Variants in GALNTL6 observed in about 807,000 individuals in gnomAD.
GALNTL6 encodes the protein polypeptide N-acetylgalactosaminyltransferase-like 6.
Under a neutral mutation model 73.7 loss-of-function variants are expected in GALNTL6, and 46 were observed. That is an observed-to-expected ratio of 0.62 (90% CI 0.49 to 0.80). The LOEUF is 0.80. Among genes scored for constraint, GALNTL6 ranks in the 30% least tolerant of loss-of-function variants. The pLI is 0.00. For synonymous variants in GALNTL6, 259 were observed against 263.7 expected, an observed-to-expected ratio of 0.98 and a Z score of 0.17; for missense variants, 604 against 755.0, an observed-to-expected ratio of 0.80 and a Z score of 2.34.
chr4:171,884,871 C>T (rs532178105), intron 2 of GALNTL6, among the ~76,000 whole-genome samples: 18 of 152,062 alleles, frequency 1.2e-4, no homozygotes, highest in African/African-American at 4.3e-4. Context: ...GCCTGGCCAA[C>T]ATGGTGAAAC....
At chr4:172,526,175 G>A (rs372057071) in intron 5 of GALNTL6, among the ~76,000 whole-genome samples, 4 of 152,086 alleles carry the variant, frequency 2.6e-5, no homozygotes, top group African/African-American at 7.2e-5. Flanking sequence ...TCCACTTATA[G>A]CTTCCTATTT....
intron 5 of GALNTL6, among the ~76,000 whole-genome samples, chr4:172,445,119 T>C (rs1047518133): frequency 2.6e-5 from 4 of 152,188 alleles, no homozygotes; most frequent in African/African-American, 9.7e-5. Flanking sequence ...CAGAGAACTT[T>C]TTGTCCCACT....
chr4:171,861,299 C>T (rs1205968278), intron 2 of GALNTL6, among the ~76,000 whole-genome samples: 1 of 152,148 alleles, frequency 6.6e-6, no homozygotes, highest in East Asian at 1.9e-4. Flanking sequence ...TATAATTAAT[C>T]TAGTTTAATA....
intron 5 of GALNTL6, among the ~76,000 whole-genome samples, chr4:172,459,312 G>T (rs545602263): frequency 9.8e-5 from 15 of 152,296 alleles, no homozygotes; most frequent in Non-Finnish European, 1.6e-4. Flanking sequence ...ACAAGACAAG[G>T]TTGCCCTCTC....
chr4:172,607,244 G>A (rs1738339218), intron 5 of GALNTL6, among the ~76,000 whole-genome samples: 1 of 152,100 alleles, frequency 6.6e-6, no homozygotes, highest in Non-Finnish European at 1.5e-5. Context: ...TATCACCCAG[G>A]TAATAAGCAC....
chr4:172,235,180 T>C (rs796726015), intron 3 of GALNTL6, among the ~76,000 whole-genome samples: 5 of 152,242 alleles, frequency 3.3e-5, no homozygotes, highest in African/African-American at 1.2e-4. Flanking sequence ...TTTTGCTTTC[T>C]TAATCTATTT....
chr4:172,422,434 A>G (rs1051298050), intron 5 of GALNTL6, among the ~76,000 whole-genome samples: 2 of 152,018 alleles, frequency 1.3e-5, no homozygotes, highest in African/African-American at 4.8e-5. Context: ...TCATTTGGTT[A>G]CAGGAATGTC....
chr4:172,897,610 A>G (rs1450675659), intron 8 of GALNTL6, among the ~76,000 whole-genome samples: 1 of 152,168 alleles, frequency 6.6e-6, no homozygotes, highest in Non-Finnish European at 1.5e-5. Flanking sequence ...GTCTGTTTCC[A>G]TGCTTGAACT....
At chr4:172,264,555 AATATATATATATATATATATATAT>A (rs201920170) in intron 3 of GALNTL6, among the ~76,000 whole-genome samples, 2 of 103,778 alleles carry the variant, frequency 1.9e-5, no homozygotes, top group African/African-American at 3.3e-5. Flanking sequence ...ATATATGCCA[AATATATATATATATATATATATAT>A]ATATATATAT....
At chr4:172,027,100 C>T (rs1741611944) in intron 2 of GALNTL6, among the ~76,000 whole-genome samples, 1 of 152,026 alleles carries the variant, frequency 6.6e-6, no homozygotes, top group Admixed American at 6.6e-5. Context: ...ACCATGTTGC[C>T]CAGGCTGGTC....
intron 2 of GALNTL6, among the ~76,000 whole-genome samples, chr4:172,075,501 A>C (rs949201784): frequency 6.6e-6 from 1 of 151,984 alleles, no homozygotes; most frequent in African/African-American, 2.4e-5. Flanking sequence ...GGCCAGGCTA[A>C]TTTTTTGGTA....
chr4:171,825,072 T>C (rs1319877270), intron 2 of GALNTL6, among the ~76,000 whole-genome samples: 1 of 152,174 alleles, frequency 6.6e-6, no homozygotes, highest in Non-Finnish European at 1.5e-5. Flanking sequence ...ACATGTATTC[T>C]GCCCTCAGGG....
intron 5 of GALNTL6, among the ~76,000 whole-genome samples, chr4:172,440,880 A>C (rs899225346): frequency 6.6e-6 from 1 of 152,062 alleles, no homozygotes; most frequent in Non-Finnish European, 1.5e-5. Flanking sequence ...ATAACTATAA[A>C]ATTTTTTATC....
chr4:172,297,686 G>A (rs1421262791), intron 3 of GALNTL6, among the ~76,000 whole-genome samples: 2 of 151,998 alleles, frequency 1.3e-5, no homozygotes, highest in Non-Finnish European at 2.9e-5. Flanking sequence ...ATTTCTGAGG[G>A]CTCTGTTCTG....
rs544124098 is a variant in GALNTL6, at chr4:172,179,246, G to A, written c.139-50410G>A. ...GAATCGCCACACTGACTTCCACAAT[G>A]GATGAACTAGTTTGCAGTCCCACCA... On this transcript the variant is annotated intron_variant, in intron 2 of 12. Coordinates refer to ENST00000506823, the MANE Select transcript of GALNTL6 (RefSeq NM_001034845.3). Among the ~76,000 whole-genome samples, 23 of 151,650 alleles carry A rather than the reference G, an allele frequency of 1.5e-4. 1 individual carries two copies. The highest frequency in any genetic ancestry group is 2.8e-4 in the Non-Finnish European group (19 of 67,994).
chr4:172,629,570 A>AT (rs1170339995), intron 5 of GALNTL6, among the ~76,000 whole-genome samples: 4 of 152,180 alleles, frequency 2.6e-5, no homozygotes, highest in African/African-American at 9.6e-5. Flanking sequence ...TTTATCTATG[A>AT]TAAAAAGTAC....
At chr4:172,779,290 C>CTTGG (rs541881702) in intron 5 of GALNTL6, among the ~76,000 whole-genome samples, 2 of 152,146 alleles carry the variant, frequency 1.3e-5, no homozygotes, top group Non-Finnish European at 2.9e-5. Flanking sequence ...GTGACAACAC[C>CTTGG]TTGGTACACG....
At position 172,809,741 on chromosome 4, in the gene GALNTL6, A is replaced by G. The variant is rs1263723959; in HGVS notation, c.739+195A>G. 2.0e-5 allele frequency among the ~76,000 whole-genome samples: 3 copies of G among 152,202 alleles called. No individual in the cohort carries two copies. The highest frequency in any genetic ancestry group is 7.2e-5 in the African/African-American group (3 of 41,442). The stretch of plus-strand genomic sequence containing the variant: ...TTTAGGCAGTATTCTAGGTAATGCC[A>G]TAAAATTGGCATTTTAAATAATATC... On this transcript the variant is annotated intron_variant, in intron 6 of 12. Coordinates refer to ENST00000506823, the MANE Select transcript of GALNTL6 (RefSeq NM_001034845.3). This position sits in a 1 kb window ranked among gnomAD's most constrained non-coding sequence, Gnocchi z 4.4.
intron 5 of GALNTL6, among the ~76,000 whole-genome samples, chr4:172,461,502 G>A (rs1732616254): frequency 6.6e-6 from 1 of 152,160 alleles, no homozygotes; most frequent in African/African-American, 2.4e-5. Context: ...AGGCATCTGA[G>A]TTTTCTACTG....
Sources: gnomAD v4.1 joint callset for allele counts (sites outside exome capture counted in the v4.1 genomes callset) on GRCh38, gnomAD v4.1.1 for gene constraint, Gnocchi (gnomAD v3.1) non-coding constraint, MANE v1.5 for transcripts, NCBI Gene and HGNC (gene_info 2026-07-23, HGNC 2026-07-21) for gene names.